The following RNF214 variants were observed in gnomAD, a reference collection of about 807,000 sequenced individuals.
RNF214 encodes ring finger protein 214.
In RNF214, 25 loss-of-function variants were observed where a neutral mutation model predicts 75.9. That is an observed-to-expected ratio of 0.33 (90% CI 0.24 to 0.46). The LOEUF (loss-of-function observed/expected upper bound fraction) is 0.46. Among genes scored for constraint, RNF214 ranks in the 20% least tolerant of loss-of-function variants. The pLI is 1.00. For missense variants in RNF214, 725 were observed against 857.5 expected, an observed-to-expected ratio of 0.85 and a Z score of 1.93; for synonymous variants, 314 against 308.8, an observed-to-expected ratio of 1.02 and a Z score of -0.18.
chr11:117,270,223 TTTC>T (rs2033879530), intron 6 of RNF214, among the ~76,000 whole-genome samples: 1 of 139,792 alleles, frequency 7.2e-6, no homozygotes, highest in African/African-American at 2.7e-5. Context: ...GCTTTTCAAT[TTTC>T]TTTTCTTTTC....
chr11:117,281,557 C>A (rs1237455152), intron 9 of RNF214, 43 bp from the exon 10 acceptor site: 1 of 1,494,048 alleles, frequency 6.7e-7, no homozygotes, highest in Admixed American at 1.7e-5. Context: ...TTCTAGAGAG[C>A]CTGAGTCAGT....
intron 6 of RNF214, among the ~76,000 whole-genome samples, chr11:117,274,347 A>G (rs554847083): frequency 1.8e-4 from 26 of 148,428 alleles, no homozygotes; most frequent in African/African-American, 6.5e-4. Context: ...CTGGGAAAAC[A>G]AATGACTTCT....
chr11:117,239,346 G>A (rs1396693131), intron 3 of RNF214: 16 of 553,690 alleles, frequency 2.9e-5, no homozygotes, highest in African/African-American at 5.6e-5. Flanking sequence ...GGAACTTTAT[G>A]ACCTACGTGT....
chr11:117,241,745 A>G (rs1351094454), intron 4 of RNF214, among the ~76,000 whole-genome samples: 2 of 152,038 alleles, frequency 1.3e-5, no homozygotes, highest in Non-Finnish European at 1.5e-5. Flanking sequence ...AAACATCCTC[A>G]GATGTTTTTA....
At chr11:117,271,993 C>G (rs1268256887) in intron 6 of RNF214, among the ~76,000 whole-genome samples, 2 of 152,048 alleles carry the variant, frequency 1.3e-5, no homozygotes, top group East Asian at 1.9e-4. Context: ...TTTTATTTTT[C>G]TTAGAGGCGA....
chr11:117,262,882 T>G (rs2033699435), intron 6 of RNF214, among the ~76,000 whole-genome samples: 7 of 152,108 alleles, frequency 4.6e-5, no homozygotes, highest in Admixed American at 4.6e-4. Flanking sequence ...CAATCATGGC[T>G]CACTGCAGCT....
rs949313299 is a variant in RNF214 at position 117,239,694 on chromosome 11, G to A, written c.619-107G>A. ...TAGCTTGCTTGGAAGCTGGTAAGGGGAAAGAGTAAAAAGTTAGTTACCTGT... is the reference window on the plus strand; with the variant it reads ...TAGCTTGCTTGGAAGCTGGTAAGGGAAAAGAGTAAAAAGTTAGTTACCTGT... On this transcript the variant is annotated intron_variant, in intron 3 of 14. Coordinates refer to ENST00000300650, the MANE Select transcript of RNF214 (RefSeq NM_207343.4). 8.4e-5 allele frequency: 59 copies of A among 699,486 alleles called. No individual in the cohort carries two copies. In the African/African-American group the frequency reaches 9.5e-4, roughly 11 times the overall value. 43.3% of individuals were successfully genotyped at this position (699,486 alleles called of 1,614,324 possible).
At chr11:117,239,454 A>G in intron 3 of RNF214, 1 of 446,534 alleles carries the variant, frequency 2.2e-6, no homozygotes, top group Non-Finnish European at 4.0e-6. Context: ...TCTCTGAGTC[A>G]CATCTTAAGA....
intron 6 of RNF214, among the ~76,000 whole-genome samples, chr11:117,275,006 T>C (rs1437835331): frequency 6.6e-6 from 1 of 152,078 alleles, no homozygotes; most frequent in Non-Finnish European, 1.5e-5. Context: ...AGATAGGCCA[T>C]ATGATAGGCT....
intron 6 of RNF214, among the ~76,000 whole-genome samples, chr11:117,267,998 G>A (rs2033832730): frequency 6.6e-6 from 1 of 152,160 alleles, no homozygotes; most frequent in African/African-American, 2.4e-5. Flanking sequence ...CTGAGATATT[G>A]CAAAGACTGA....
At chr11:117,249,674 A>C (rs1265298689) in intron 6 of RNF214, among the ~76,000 whole-genome samples, 3 of 152,210 alleles carry the variant, frequency 2.0e-5, no homozygotes, top group African/African-American at 7.2e-5. Flanking sequence ...TCCGACATAA[A>C]GATGCTGGCA....
At chr11:117,258,049 T>C (rs1486425743) in intron 6 of RNF214, among the ~76,000 whole-genome samples, 4 of 152,166 alleles carry the variant, frequency 2.6e-5, no homozygotes, top group African/African-American at 9.7e-5. Flanking sequence ...CCATCTGTCA[T>C]GCCTCTATCT....
chr11:117,238,208 CGAGACCAG>C (rs1288834142), intron 2 of RNF214, among the ~76,000 whole-genome samples: 1 of 152,046 alleles, frequency 6.6e-6, no homozygotes, highest in Non-Finnish European at 1.5e-5. Flanking sequence ...TACAGGAGTT[CGAGACCAG>C]CCTGGGCAAC....
chr11:117,253,338 A>G (rs1327208920), intron 6 of RNF214, among the ~76,000 whole-genome samples: 1 of 152,246 alleles, frequency 6.6e-6, no homozygotes, highest in Non-Finnish European at 1.5e-5. Context: ...ACCAAAGTGT[A>G]AAAGATCAAA....
At chr11:117,254,518 A>G (rs776926305) in intron 6 of RNF214, among the ~76,000 whole-genome samples, 2 of 152,046 alleles carry the variant, frequency 1.3e-5, no homozygotes, top group Non-Finnish European at 2.9e-5. Flanking sequence ...TACTGGATTT[A>G]CTTGCTTACC....
intron 6 of RNF214, among the ~76,000 whole-genome samples, chr11:117,266,981 A>AC: frequency 6.6e-6 from 1 of 150,908 alleles, no homozygotes. Flanking sequence ...CACAAAAAAA[A>AC]AAAAAAAAAA....
intron 5 of RNF214, 152 bp from the exon 6 acceptor site, chr11:117,246,657 T>G: frequency 1.4e-6 from 1 of 707,098 alleles, no homozygotes; most frequent in Admixed American, 2.8e-5. Context: ...TACTGGCTTT[T>G]GGAGCTACTC....
Position 117,280,359 on chromosome 11 carries a change from C to A in RNF214, c.1145+100C>A. 2.5e-6 allele frequency: 2 copies of A among 796,814 alleles called. 1 individual carries two copies. Among genetic ancestry groups the A allele is most frequent in the South Asian group, 3.0e-5 (2 of 66,082 alleles). 49.4% of individuals were successfully genotyped at this position (796,814 alleles called of 1,614,324 possible). ...TAGGCCAGCTAGTCTGGCACTTATT[C>A]TATCTGCACAGGAATTGTAAGGCTA... On this transcript the variant is annotated intron_variant, in intron 8 of 14. Coordinates refer to ENST00000300650, the MANE Select transcript of RNF214 (RefSeq NM_207343.4).
chr11:117,266,462 C>T (rs56268534), intron 6 of RNF214, among the ~76,000 whole-genome samples: 1,691 of 152,112 alleles, frequency 0.011, 34 homozygotes, highest in African/African-American at 0.037. Flanking sequence ...CAGGCTTAAG[C>T]GATCTTCCCG....
Sources: gnomAD v4.1 joint callset for allele counts (sites outside exome capture counted in the v4.1 genomes callset) on GRCh38, gnomAD v4.1.1 for gene constraint, MANE v1.5 for transcripts, NCBI Gene and HGNC (gene_info 2026-07-23, HGNC 2026-07-21) for gene names.